ANKRD44: variants seen among roughly 807,000 people sequenced by gnomAD.
The protein encoded by ANKRD44 is ankyrin repeat domain 44, also known as serine/threonine-protein phosphatase 6 regulatory ankyrin repeat subunit B.
A neutral mutation model predicts 116.0 loss-of-function variants in ANKRD44; 35 were observed. That is an observed-to-expected ratio of 0.30 (90% CI 0.23 to 0.40). The LOEUF (loss-of-function observed/expected upper bound fraction) is 0.40. ANKRD44 is among the 10% of genes least tolerant of loss of function. The probability of loss-of-function intolerance (pLI) is 1.00; values close to 1 mark genes in which losing one functional copy is unlikely to be tolerated. For synonymous variants in ANKRD44, 435 were observed against 461.8 expected (o/e 0.94, Z 0.74); for missense variants, 1,014 against 1,242.6 (o/e 0.82, Z 2.77).
chr2:197,094,710 TATG>T (rs2078122691), intron 10 of ANKRD44, among the ~76,000 whole-genome samples: 1 of 152,248 alleles, frequency 6.6e-6, no homozygotes, highest in Admixed American at 6.5e-5. Context: ...AGGATGATTT[TATG>T]ATGTTTTACC....
chr2:197,076,833 T>A (rs920751076), intron 16 of ANKRD44, among the ~76,000 whole-genome samples: 2 of 152,168 alleles, frequency 1.3e-5, no homozygotes, highest in African/African-American at 4.8e-5. Flanking sequence ...AAGGACATGA[T>A]CTAGTTCTTT....
At chr2:197,275,284 T>C (rs1052022726) in intron 1 of ANKRD44, among the ~76,000 whole-genome samples, 9 of 151,712 alleles carry the variant, frequency 5.9e-5, no homozygotes, top group African/African-American at 1.5e-4. Context: ...CCAACTAATA[T>C]GTGGATTTTT....
chr2:197,155,818 A>G (rs2079794712), intron 2 of ANKRD44, among the ~76,000 whole-genome samples: 1 of 152,222 alleles, frequency 6.6e-6, no homozygotes, highest in South Asian at 2.1e-4. Context: ...GGTAAATGGA[A>G]TTTTATCAAA....
intron 2 of ANKRD44, among the ~76,000 whole-genome samples, chr2:197,162,237 A>G (rs2125502068): frequency 6.6e-6 from 1 of 152,344 alleles, no homozygotes; most frequent in African/African-American, 2.4e-5. Context: ...TGTTTTAAGC[A>G]CAGCTGTTCC....
At chr2:197,226,557 G>A (rs935383392) in intron 1 of ANKRD44, among the ~76,000 whole-genome samples, 6 of 152,046 alleles carry the variant, frequency 3.9e-5, no homozygotes, top group African/African-American at 7.3e-5. Context: ...CCAGCTACTC[G>A]GGAGGCTGAG....
At chr2:197,130,539 T>C (rs2079071796) in intron 4 of ANKRD44, among the ~76,000 whole-genome samples, 1 of 152,188 alleles carries the variant, frequency 6.6e-6, no homozygotes, top group Non-Finnish European at 1.5e-5. Context: ...GGGGTGAGGT[T>C]TTAGAACAGG....
chr2:197,230,494 C>T (rs946041247), intron 1 of ANKRD44, among the ~76,000 whole-genome samples: 2 of 152,172 alleles, frequency 1.3e-5, no homozygotes, highest in African/African-American at 4.8e-5. Context: ...AATTCTATCA[C>T]AGGAACTGCC....
intron 2 of ANKRD44, among the ~76,000 whole-genome samples, chr2:197,155,039 G>T (rs1428355812): frequency 1.3e-5 from 2 of 152,052 alleles, no homozygotes; most frequent in East Asian, 1.9e-4. Flanking sequence ...TTAAAATGAT[G>T]ATAAAATAAG....
At chr2:197,260,906 C>A (rs2082585870) in intron 1 of ANKRD44, among the ~76,000 whole-genome samples, 1 of 93,522 alleles carries the variant, frequency 1.1e-5, no homozygotes, top group Non-Finnish European at 2.1e-5. Flanking sequence ...TGTCCTTTGC[C>A]CACTTTTTGA....
At chr2:197,131,244 T>C (rs1222152264) in intron 4 of ANKRD44, among the ~76,000 whole-genome samples, 6 of 148,844 alleles carry the variant, frequency 4.0e-5, no homozygotes, top group Admixed American at 6.8e-5. Context: ...CAGGCTGGAG[T>C]GCAGTGGCGC....
intron 9 of ANKRD44, among the ~76,000 whole-genome samples, chr2:197,101,570 A>G (rs2078294460): frequency 6.6e-6 from 1 of 152,214 alleles, no homozygotes; most frequent in African/African-American, 2.4e-5. Context: ...AAAAATGGCT[A>G]AAACGGTAAA....
intron 1 of ANKRD44, among the ~76,000 whole-genome samples, chr2:197,284,384 AT>A (rs1211948264): frequency 6.6e-6 from 1 of 151,990 alleles, no homozygotes; most frequent in Non-Finnish European, 1.5e-5. Flanking sequence ...CCTTTTCCCA[AT>A]TCTTAGAAGG....
rs115731607 is a variant in ANKRD44 at position 196,987,389 on chromosome 2, C to A, written c.*2202G>T. 1.7e-3 allele frequency: 1,712 copies of A among 984,638 alleles called. No individual in the cohort carries two copies. The highest frequency in any genetic ancestry group is 2.0e-3 in the Non-Finnish European group (1,636 of 829,290). The allele number at this position is 984,638 out of a possible 1,614,324, so 61.0% of individuals were successfully genotyped here. ...TCAAATGAAAAAATACAAAACATTCCACAGAACATTTTCAGAATATACAAA... is the reference window on the plus strand; with the variant it reads ...TCAAATGAAAAAATACAAAACATTCAACAGAACATTTTCAGAATATACAAA... On this transcript the variant is annotated 3_prime_UTR_variant, in exon 28 of 28. Transcript: ENST00000282272.
At chr2:197,282,337 G>A (rs2083290565) in intron 1 of ANKRD44, among the ~76,000 whole-genome samples, 1 of 151,888 alleles carries the variant, frequency 6.6e-6, no homozygotes, top group African/African-American at 2.4e-5. Flanking sequence ...AGTCTTTGGA[G>A]AAAGATTAAA....
chr2:197,274,862 G>A (rs2083027481), intron 1 of ANKRD44, among the ~76,000 whole-genome samples: 1 of 152,114 alleles, frequency 6.6e-6, no homozygotes, highest in South Asian at 2.1e-4. Context: ...GGGAGGCCAA[G>A]GTGTGAGGAT....
intron 1 of ANKRD44, among the ~76,000 whole-genome samples, chr2:197,205,360 G>A (rs2081182552): frequency 1.3e-5 from 2 of 152,188 alleles, no homozygotes; most frequent in South Asian, 2.1e-4. Flanking sequence ...TTGAGGAAAG[G>A]AAGAACAATG....
At chr2:197,123,513 C>T (rs192662605) in intron 6 of ANKRD44, among the ~76,000 whole-genome samples, 1 of 152,308 alleles carries the variant, frequency 6.6e-6, no homozygotes, top group East Asian at 1.9e-4. Context: ...TGCCTGTAGT[C>T]CCAGCTGCTC....
At chr2:197,188,861 A>G (rs746418462) in intron 1 of ANKRD44, among the ~76,000 whole-genome samples, 1 of 152,018 alleles carries the variant, frequency 6.6e-6, no homozygotes, top group Non-Finnish European at 1.5e-5. Context: ...ATGCCTATTA[A>G]AAAAAATAGT....
chr2:197,234,745 A>C (rs976689415), intron 1 of ANKRD44, among the ~76,000 whole-genome samples: 1 of 152,184 alleles, frequency 6.6e-6, no homozygotes, highest in Non-Finnish European at 1.5e-5. Flanking sequence ...TAGGTTGCTA[A>C]TAGACTCCAC....
Sources: gnomAD v4.1 joint callset for allele counts (sites outside exome capture counted in the v4.1 genomes callset) on GRCh38, gnomAD v4.1.1 for gene constraint, MANE v1.5 for transcripts, NCBI Gene and HGNC (gene_info 2026-07-23, HGNC 2026-07-21) for gene names.